LGR5: variants seen among roughly 807,000 people sequenced by gnomAD.
LGR5 encodes leucine-rich repeat-containing G protein-coupled receptor 5.
A neutral mutation model predicts 76.7 loss-of-function variants in LGR5; 54 were observed. The observed-to-expected ratio is 0.70, with a 90% CI of 0.57 to 0.88. LGR5 has a LOEUF of 0.88. LGR5 is among the 40% of genes least tolerant of loss of function. The pLI, the probability that LGR5 is intolerant of heterozygous loss-of-function variation, is 0.00. For synonymous variants in LGR5, 406 were observed against 421.9 expected (o/e 0.96, Z 0.46); for missense variants, 1,078 against 1,073.3 (o/e 1.00, Z -0.06).
At chr12:71,555,285 A>G (rs1268923260) in intron 5 of LGR5, among the ~76,000 whole-genome samples, 1 of 152,130 alleles carries the variant, frequency 6.6e-6, no homozygotes, top group Non-Finnish European at 1.5e-5. Context: ...ATGTGCTTTA[A>G]TTTCTTTTCC....
rs1294091008 is a variant in LGR5 at position 71,585,480 on chromosome 12, T to C, written c.*746T>C. 1.3e-5 allele frequency: 2 copies of C among 152,222 alleles called. No homozygotes were observed. The highest frequency in any genetic ancestry group is 2.4e-5 in the African/African-American group (1 of 41,462). 9.4% of individuals were successfully genotyped at this position (152,222 alleles called of 1,614,324 possible). On this transcript the variant is annotated 3_prime_UTR_variant, in exon 18 of 18. Coordinates refer to ENST00000266674, the MANE Select transcript of LGR5 (RefSeq NM_003667.4). ...ATGCACAGGTGACGTATGTCTTATC[T>C]GATTTGTTTTTAACTCCTTGGTGCC...
At chr12:71,569,204 C>T (rs1878488229) in intron 11 of LGR5, among the ~76,000 whole-genome samples, 1 of 152,150 alleles carries the variant, frequency 6.6e-6, no homozygotes, top group Non-Finnish European at 1.5e-5. Context: ...AATATAAAAA[C>T]CCTAGAAGAA....
chr12:71,583,390 G>A (rs1879173622), intron 17 of LGR5: 1 of 467,758 alleles, frequency 2.1e-6, no homozygotes, highest in African/African-American at 1.9e-5. Context: ...TCAATTAAGT[G>A]ATCGAAATTC....
intron 1 of LGR5, among the ~76,000 whole-genome samples, chr12:71,481,525 T>G (rs766807498): frequency 6.6e-6 from 1 of 152,200 alleles, no homozygotes; most frequent in Non-Finnish European, 1.5e-5. Flanking sequence ...GTTCCAAGTC[T>G]TTGTTATTGT....
intron 4 of LGR5, among the ~76,000 whole-genome samples, chr12:71,552,363 G>T (rs1050179649): frequency 6.6e-6 from 1 of 152,064 alleles, no homozygotes; most frequent in Non-Finnish European, 1.5e-5. Flanking sequence ...TCAGGAGTTC[G>T]AGACCAACCT....
At chr12:71,566,733 G>C in intron 10 of LGR5, 33 bp downstream of exon 10, 1 of 1,590,130 alleles carries the variant, frequency 6.3e-7, no homozygotes. Flanking sequence ...ACTTTGCCCA[G>C]AACATACACT....
rs1872887437 is a variant in LGR5 at position 71,466,864 on chromosome 12, C to T, written c.212+26572C>T. Among the ~76,000 whole-genome samples, 3 of 152,068 alleles carry T rather than the reference C, an allele frequency of 2.0e-5. No homozygotes were observed. The South Asian group carries it at 6.2e-4, about 32-fold the overall frequency. On this transcript the variant is annotated intron_variant, in intron 1 of 17. Transcript: ENST00000266674. ...TGATTTTGTGAAATTGGTAACACGT[C>T]CTCCTTGGAAATAGGCAGAATGCAT...
chr12:71,465,106 G>A (rs1872812299), intron 1 of LGR5, among the ~76,000 whole-genome samples: 1 of 152,142 alleles, frequency 6.6e-6, no homozygotes, highest in African/African-American at 2.4e-5. Flanking sequence ...CTCGAAGTAT[G>A]ACCTTGGGCA....
At chr12:71,561,712 A>C in intron 7 of LGR5, 69 bp from the exon 8 acceptor site, 1 of 785,874 alleles carries the variant, frequency 1.3e-6, no homozygotes, top group Non-Finnish European at 2.0e-6. Flanking sequence ...CACTGTGGTC[A>C]GGGTGGGGGC....
intron 4 of LGR5, among the ~76,000 whole-genome samples, chr12:71,537,547 A>G (rs1268077921): frequency 3.3e-5 from 5 of 152,174 alleles, no homozygotes; most frequent in Non-Finnish European, 7.4e-5. Context: ...TGCAGATACC[A>G]TATTGTACCA....
In LGR5 at chr12:71,516,181, C is replaced by T. The variant is rs549559816; in HGVS notation, c.285-8225C>T. ...AGTGTAATTTTTTTTTAAATTTGAG[C>T]GTAGAAAAAGACCTTCATGAAAGAA... On this transcript the variant is annotated intron_variant, in intron 2 of 17. Coordinates refer to ENST00000266674, the MANE Select transcript of LGR5 (RefSeq NM_003667.4). 5.5e-4 allele frequency among the ~76,000 whole-genome samples: 82 copies of T among 149,538 alleles called. 1 individual carries two copies. The highest frequency in any genetic ancestry group is 1.0e-3 in the Admixed American group (15 of 14,924).
intron 2 of LGR5, among the ~76,000 whole-genome samples, chr12:71,517,058 T>C (rs1002591439): frequency 6.6e-6 from 1 of 150,618 alleles, no homozygotes; most frequent in Non-Finnish European, 1.5e-5. Flanking sequence ...GGTTGGAAAA[T>C]AGTTGTTTAG....
chr12:71,474,444 T>G (rs1161726070), intron 1 of LGR5, among the ~76,000 whole-genome samples: 1 of 152,216 alleles, frequency 6.6e-6, no homozygotes, highest in Non-Finnish European at 1.5e-5. Flanking sequence ...CTATACCAAT[T>G]TTTAACATTG....
At chr12:71,448,080 C>A (rs949943992) in intron 1 of LGR5, among the ~76,000 whole-genome samples, 41 of 136,604 alleles carry the variant, frequency 3.0e-4, no homozygotes, top group African/African-American at 1.2e-3. Context: ...CTCACACACA[C>A]ACAAACACAC....
chr12:71,579,441 C>A (rs1228071851), intron 15 of LGR5, among the ~76,000 whole-genome samples: 2 of 152,058 alleles, frequency 1.3e-5, no homozygotes, highest in African/African-American at 4.8e-5. Flanking sequence ...AATAATAAAA[C>A]CCCAAAAGAG....
chr12:71,460,823 A>T (rs1026409261), intron 1 of LGR5, among the ~76,000 whole-genome samples: 2 of 152,052 alleles, frequency 1.3e-5, no homozygotes, highest in African/African-American at 4.8e-5. Context: ...TCCTATTGTA[A>T]AACAGGGCTA....
chr12:71,519,626 C>T (rs1875626526), intron 2 of LGR5, among the ~76,000 whole-genome samples: 1 of 151,248 alleles, frequency 6.6e-6, no homozygotes, highest in Admixed American at 6.6e-5. Flanking sequence ...TGGTGAAACC[C>T]TGTCTCTACC....
chr12:71,579,049 T>C, intron 15 of LGR5, 120 bp downstream of exon 15: 1 of 851,074 alleles, frequency 1.2e-6, no homozygotes, highest in South Asian at 2.2e-5. Flanking sequence ...TTTCATGCCC[T>C]CAAGTCTCCT....
chr12:71,557,244 C>G (rs1877817449), intron 6 of LGR5, among the ~76,000 whole-genome samples: 2 of 152,164 alleles, frequency 1.3e-5, no homozygotes, highest in African/African-American at 4.8e-5. Context: ...GTGACCATGC[C>G]ACTGCACTCC....
Sources: gnomAD v4.1 joint callset for allele counts (sites outside exome capture counted in the v4.1 genomes callset) on GRCh38, gnomAD v4.1.1 for gene constraint, MANE v1.5 for transcripts, NCBI Gene and HGNC (gene_info 2026-07-23, HGNC 2026-07-21) for gene names.